Variants in RHOBTB1 observed in about 807,000 individuals in gnomAD.
RHOBTB1 encodes Rho related BTB domain containing 1.
Under a neutral mutation model 71.6 loss-of-function variants are expected in RHOBTB1, and 40 were observed. The ratio of observed to expected loss-of-function variants is 0.56; its 90% confidence interval spans 0.43 to 0.73. The LOEUF (loss-of-function observed/expected upper bound fraction) is 0.73, where lower values mean the gene tolerates loss of function less well. Ranked by LOEUF, RHOBTB1 falls within the 30% of genes least tolerant of loss-of-function variation. The pLI is 0.00. For synonymous variants in RHOBTB1, 319 were observed against 334.9 expected (o/e 0.95, Z 0.52); for missense variants, 797 against 894.0 (o/e 0.89, Z 1.38).
chr10:60,876,070 TG>T (rs1156635852), intron 8 of RHOBTB1, among the ~76,000 whole-genome samples: 2 of 152,238 alleles, frequency 1.3e-5, no homozygotes, highest in African/African-American at 4.8e-5. Flanking sequence ...ATGATTTCTT[TG>T]GCACAAACCT....
Position 60,892,850 on chromosome 10 carries a change from C to T in RHOBTB1, c.442G>A (p.Asp148Asn), listed in dbSNP as rs141139124. The change falls in exon 5 of 11, where the codon GAC becomes AAC. Residue 148 changes from aspartate (D) to asparagine (N), a missense_variant. Asp to Asn is a conservative substitution (Grantham distance 23). Around this residue, in one of 2 missense-constraint regions of RHOBTB1, gnomAD observed 139 missense variants for 212.5 expected, o/e 0.65. Transcript: ENST00000337910. ...VGCQLDLRYA[D>N]LEAVNRARRP... ...CTGGCTCGATTAACAGCTTCCAGGT[C>T]GGCATAGCGGAGATCAAGCTGGCAC... The T allele has an allele frequency of 5.9e-5, 95 of 1,613,174 alleles. No homozygotes were observed. In the African/African-American group the frequency reaches 8.5e-4, roughly 15 times the overall value.
chr10:60,943,101 C>T (rs1051928491), intron 1 of RHOBTB1, among the ~76,000 whole-genome samples: 2 of 152,090 alleles, frequency 1.3e-5, no homozygotes, highest in Admixed American at 6.5e-5. Flanking sequence ...TGCATTTTTG[C>T]CCCCAGCAAT....
chr10:60,905,261 C>T (rs2082608488), intron 4 of RHOBTB1, among the ~76,000 whole-genome samples: 1 of 151,636 alleles, frequency 6.6e-6, no homozygotes, highest in East Asian at 1.9e-4. Flanking sequence ...CCACCCTGGC[C>T]AACATAGTGA....
chr10:60,877,982 T>C lies in RHOBTB1; in HGVS notation c.1652A>G (p.Asn551Ser). 1 of 1,613,914 alleles carries C rather than the reference T, an allele frequency of 6.2e-7. No homozygotes were observed. Among genetic ancestry groups the C allele is most frequent in the Non-Finnish European group, 8.5e-7 (1 of 1,179,818 alleles). The change falls in exon 8 of 11, where the codon AAC becomes AGC. Residue 551 changes from asparagine (N) to serine (S), a missense_variant. Coordinates refer to ENST00000337910, the MANE Select transcript of RHOBTB1 (RefSeq NM_014836.5). ...DYLYTKQLSP[N>S]LDLDPLELIA... ...TAATTCCAGCGGGTCCAGATCCAAG[T>C]TAGGAGACAACTGCTTGGTATAGAG...
intron 2 of RHOBTB1, among the ~76,000 whole-genome samples, chr10:60,931,763 T>A (rs2084270729): frequency 6.6e-6 from 1 of 152,048 alleles, no homozygotes; most frequent in African/African-American, 2.4e-5. Flanking sequence ...ACTCAAGCTC[T>A]CACATAAAAA....
chr10:60,952,073 C>T (rs372255126), intron 2 of RHOBTB1, among the ~76,000 whole-genome samples: 1 of 151,104 alleles, frequency 6.6e-6, no homozygotes, highest in Non-Finnish European at 1.5e-5. Flanking sequence ...CCCACCCCCC[C>T]AAAAAAGAAC....
intron 2 of RHOBTB1, among the ~76,000 whole-genome samples, chr10:60,953,275 G>A (rs1180336840): frequency 6.6e-6 from 1 of 152,098 alleles, no homozygotes; most frequent in Non-Finnish European, 1.5e-5. Context: ...ATCCAGTGGG[G>A]GAATAAGCTA....
chr10:60,888,434 G>T lies in RHOBTB1; in HGVS notation c.1234C>A (p.Arg412=), dbSNP rs149990776. ...MDASVQPGPF[R]TLLQFLYTGQ... ...GTATAAAGAAACTGGAGCAGGGTCC[G>T]AAAAGGGCCTGGCTGGACTGAAGCG... Residue 412 remains arginine, a synonymous_variant, in exon 6 of 11, where the codon CGG becomes AGG. Coordinates refer to ENST00000337910, the MANE Select transcript of RHOBTB1 (RefSeq NM_014836.5). 6.2e-7 allele frequency: 1 copy of T among 1,614,154 alleles called. No individual in the cohort carries two copies. Among genetic ancestry groups the T allele is most frequent in the East Asian group, 2.2e-5 (1 of 44,868 alleles).
chr10:60,936,503 T>C (rs983200489), intron 2 of RHOBTB1, among the ~76,000 whole-genome samples: 2 of 152,234 alleles, frequency 1.3e-5, no homozygotes, highest in African/African-American at 4.8e-5. Context: ...ATCCCTCCTA[T>C]ATTTAAGATT....
In RHOBTB1 at chr10:60,910,930, T is replaced by C. The variant is rs1288859946; in HGVS notation, c.253A>G (p.Thr85Ala). ...CTGTCTTTGTGATGATCACCAAAAG[T>C]ATCCCAAAGCCTGAGAGAAACACTC... ...EVSVSLRLWD[T>A]FGDHHKDRRF... The change falls in exon 4 of 11, where the codon ACT (threonine) becomes GCT (alanine). Residue 85 changes from threonine to alanine, a missense_variant. Around this residue, in one of 2 missense-constraint regions of RHOBTB1, gnomAD observed 139 missense variants for 212.5 expected, o/e 0.65. Coordinates refer to ENST00000337910, the MANE Select transcript of RHOBTB1 (RefSeq NM_014836.5). 6.2e-7 allele frequency: 1 copy of C among 1,614,112 alleles called. No homozygotes were observed. Among genetic ancestry groups the C allele is most frequent in the Non-Finnish European group, 8.5e-7 (1 of 1,180,010 alleles).
intron 2 of RHOBTB1, chr10:60,985,829 A>G (rs966490321): frequency 2.0e-5 from 3 of 152,188 alleles, no homozygotes; most frequent in Admixed American, 2.0e-4. Context: ...TGTTACCTAA[A>G]TTAGTAGTTA....
intron 1 of RHOBTB1, among the ~76,000 whole-genome samples, chr10:60,994,597 A>T (rs1485043744): frequency 9.2e-5 from 14 of 152,010 alleles, no homozygotes; most frequent in Admixed American, 9.2e-4. Flanking sequence ...AAAAAGTTAG[A>T]TTTTCTAATG....
intron 1 of RHOBTB1, among the ~76,000 whole-genome samples, chr10:60,988,263 T>C (rs1247937136): frequency 2.0e-5 from 3 of 152,166 alleles, no homozygotes; most frequent in African/African-American, 7.2e-5. Flanking sequence ...CACACAGTTA[T>C]ATTTATTTAT....
chr10:60,969,221 A>G (rs1277628901), intron 2 of RHOBTB1, among the ~76,000 whole-genome samples: 1 of 152,008 alleles, frequency 6.6e-6, no homozygotes, highest in African/African-American at 2.4e-5. Flanking sequence ...AAAAACCTAA[A>G]CCCAACTGTG....
At chr10:60,973,197 T>C (rs933273188) in intron 2 of RHOBTB1, among the ~76,000 whole-genome samples, 4 of 152,066 alleles carry the variant, frequency 2.6e-5, no homozygotes, top group African/African-American at 4.8e-5. Context: ...AAGCAGCGTC[T>C]TTCCTCTATC....
Position 60,892,998 on chromosome 10 carries a change from A to C in RHOBTB1, c.297-3T>G. 1 of 1,606,484 alleles carries C rather than the reference A, an allele frequency of 6.2e-7. No homozygotes were observed. Among genetic ancestry groups the C allele is most frequent in the Non-Finnish European group, 8.5e-7 (1 of 1,177,154 alleles). ...AACAGAGGACCACAACATCAGACCT[A>C]AAAGGAAATCATAAAAGAAGCTTGT... On this transcript the variant is annotated splice_polypyrimidine_tract_variant and splice_region_variant and intron_variant, in intron 4 of 10. Transcript: ENST00000337910.
chr10:60,970,545 C>T (rs1460119282), intron 2 of RHOBTB1, among the ~76,000 whole-genome samples: 1 of 151,966 alleles, frequency 6.6e-6, no homozygotes, highest in African/African-American at 2.4e-5. Flanking sequence ...TCACATTTAC[C>T]TGAGGAACTA....
chr10:60,937,903 T>A (rs554692922), intron 2 of RHOBTB1, among the ~76,000 whole-genome samples: 3 of 152,194 alleles, frequency 2.0e-5, no homozygotes, highest in African/African-American at 7.2e-5. Context: ...TACTATGTGC[T>A]TTACATGCAT....
upstream of RHOBTB1, among the ~76,000 whole-genome samples, chr10:60,948,665 C>T (rs951835623): frequency 2.0e-5 from 3 of 152,172 alleles, no homozygotes; most frequent in Admixed American, 6.5e-5. Context: ...CTAGTACTAA[C>T]AGGGGTTTGA....
Sources: allele counts gnomAD v4.1 joint callset (sites outside exome capture counted in the v4.1 genomes callset), GRCh38; gene constraint gnomAD v4.1.1; regional missense constraint gnomAD v4.1.1; transcripts MANE v1.5; gene names NCBI Gene and HGNC (gene_info 2026-07-23, HGNC 2026-07-21).